Variants in EIF2S2 observed in about 807,000 individuals in gnomAD.
The protein encoded by EIF2S2 is eukaryotic translation initiation factor 2 subunit 2.
In EIF2S2, 4 loss-of-function variants were observed where a neutral mutation model predicts 44.0. The observed-to-expected ratio is 0.09, with a 90% confidence interval of 0.04 to 0.21. EIF2S2 has a LOEUF of 0.21. Among genes scored for constraint, EIF2S2 ranks in the 10% least tolerant of loss-of-function variants. The pLI is 1.00. For missense variants in EIF2S2, 154 were observed against 392.0 expected (o/e 0.39, Z 5.13); for synonymous variants, 108 against 128.3 (o/e 0.84, Z 1.07).
In EIF2S2 at chr20:34,092,998, A is replaced by C. The variant is rs148648912; in HGVS notation, c.740+677T>G. The stretch of plus-strand genomic sequence containing the variant: ...AGGAATATTACTTTCTACTTCATAG[A>C]ACTATTGTGAAGATTAATTGAGATG... On this transcript the variant is annotated intron_variant, in intron 7 of 8. Transcript: ENST00000374980. Among the ~76,000 whole-genome samples, 389 of 152,334 alleles carry C rather than the reference A, an allele frequency of 2.6e-3. 1 individual carries two copies. The highest frequency in any genetic ancestry group is 5.2e-3 in the South Asian group (25 of 4,832).
In EIF2S2 at chr20:34,112,138, G is replaced by A. The variant is rs367752980; in HGVS notation, c.-28C>T. 23 of 1,541,102 alleles carry A rather than the reference G, an allele frequency of 1.5e-5. No individual in the cohort carries two copies. The African/African-American group carries it at 3.0e-4, about 20-fold the overall frequency. ...CTGCGGCTCGAGTGGGCTCGGCACG[G>A]ACGGGAAGTCAGACGGGTCAGCCCC... On this transcript the variant is annotated 5_prime_UTR_variant, in exon 1 of 9. Coordinates refer to ENST00000374980, the MANE Select transcript of EIF2S2 (RefSeq NM_003908.5).
chr20:34,103,319 C>A, intron 3 of EIF2S2, 143 bp downstream of exon 3: 1 of 1,155,018 alleles, frequency 8.7e-7, no homozygotes, highest in Non-Finnish European at 1.2e-6. Context: ...GACACACTCC[C>A]AAGAAAATGA....
chr20:34,092,585 A>C lies in EIF2S2; in HGVS notation c.740+1090T>G, dbSNP rs189169583. 5.9e-5 allele frequency among the ~76,000 whole-genome samples: 9 copies of C among 152,224 alleles called. No individual in the cohort carries two copies. The East Asian group carries it at 1.7e-3, about 29-fold the overall frequency. ...CAGGAGGCTGAGGCAGGAGAATGGC[A>C]TGAACCCGGGAAGCAGGCTTGCAGT... On this transcript the variant is annotated intron_variant, in intron 7 of 8. Coordinates refer to ENST00000374980, the MANE Select transcript of EIF2S2 (RefSeq NM_003908.5).
Position 34,112,136 on chromosome 20 carries a change from C to T in EIF2S2, c.-26G>A. On this transcript the variant is annotated 5_prime_UTR_variant, in exon 1 of 9. It adds an upstream start codon to the 5' untranslated region. Coordinates refer to ENST00000374980, the MANE Select transcript of EIF2S2 (RefSeq NM_003908.5). Reference sequence around the variant, plus strand: ...GGCTGCGGCTCGAGTGGGCTCGGCACGGACGGGAAGTCAGACGGGTCAGCC... The same window carrying T: ...GGCTGCGGCTCGAGTGGGCTCGGCATGGACGGGAAGTCAGACGGGTCAGCC... The T allele has an allele frequency of 6.5e-7, 1 of 1,541,848 alleles. No individual in the cohort carries two copies. The highest frequency in any genetic ancestry group is 8.8e-7 in the Non-Finnish European group (1 of 1,141,432).
intron 1 of EIF2S2, among the ~76,000 whole-genome samples, chr20:34,111,319 G>A (rs1416040310): frequency 6.6e-6 from 1 of 152,188 alleles, no homozygotes; most frequent in African/African-American, 2.4e-5. Flanking sequence ...CCTACTGGGA[G>A]TACTTAACAT....
intron 3 of EIF2S2, among the ~76,000 whole-genome samples, chr20:34,101,918 GC>G (rs2122421859): frequency 6.6e-6 from 1 of 152,118 alleles, no homozygotes; most frequent in Non-Finnish European, 1.5e-5. Flanking sequence ...CAGGTGATCT[GC>G]CCACCTCGGC....
chr20:34,092,765 T>C (rs954385715), intron 7 of EIF2S2, among the ~76,000 whole-genome samples: 1 of 152,148 alleles, frequency 6.6e-6, no homozygotes, highest in Admixed American at 6.5e-5. Context: ...CCACACCAAG[T>C]GTAGCAAATC....
chr20:34,090,433 C>A (rs565679105), intron 8 of EIF2S2, 84 bp downstream of exon 8: 1 of 828,640 alleles, frequency 1.2e-6, no homozygotes, highest in Non-Finnish European at 1.8e-6. Context: ...TCCCAGCTCA[C>A]TGCAATCAAA....
intron 5 of EIF2S2, 131 bp from the exon 6 acceptor site, chr20:34,096,936 T>C: frequency 9.7e-7 from 1 of 1,027,552 alleles, no homozygotes; most frequent in South Asian, 1.7e-5. Context: ...ACTACAAGTC[T>C]GGGAGCTCCT....
intron 2 of EIF2S2, among the ~76,000 whole-genome samples, chr20:34,104,855 C>T (rs564942211): frequency 1.4e-4 from 22 of 152,362 alleles, no homozygotes; most frequent in African/African-American, 5.1e-4. Context: ...TCAGTTGTCT[C>T]TATCCTGGCA....
At chr20:34,098,768 T>A (rs543781135) in intron 3 of EIF2S2, 135 bp from the exon 4 acceptor site, 1 of 1,072,884 alleles carries the variant, frequency 9.3e-7, no homozygotes, top group Admixed American at 2.8e-5. Flanking sequence ...CCTCAAGAGA[T>A]CCTCCCGCCC....
At chr20:34,101,426 A>C (rs1210712259) in intron 3 of EIF2S2, among the ~76,000 whole-genome samples, 1 of 152,122 alleles carries the variant, frequency 6.6e-6, no homozygotes, top group Non-Finnish European at 1.5e-5. Flanking sequence ...ACAGAGTGAG[A>C]CTTTGTCTCA....
intron 7 of EIF2S2, among the ~76,000 whole-genome samples, chr20:34,092,771 A>G (rs2034182135): frequency 6.6e-6 from 1 of 152,216 alleles, no homozygotes; most frequent in Non-Finnish European, 1.5e-5. Context: ...CAAGTGTAGC[A>G]AATCCCAACA....
At chr20:34,107,685 T>C (rs1165760469) in intron 1 of EIF2S2, among the ~76,000 whole-genome samples, 1 of 152,194 alleles carries the variant, frequency 6.6e-6, no homozygotes, top group Non-Finnish European at 1.5e-5. Context: ...CTTCCCAAAA[T>C]TGATTATAAC....
intron 3 of EIF2S2, among the ~76,000 whole-genome samples, chr20:34,101,256 C>A (rs892028079): frequency 3.3e-5 from 5 of 152,128 alleles, no homozygotes; most frequent in Non-Finnish European, 5.9e-5. Flanking sequence ...ACCAGCCTGG[C>A]CAACATGGTG....
intron 3 of EIF2S2, among the ~76,000 whole-genome samples, chr20:34,100,973 A>G (rs569282509): frequency 6.6e-6 from 1 of 151,256 alleles, no homozygotes; most frequent in South Asian, 2.1e-4. Flanking sequence ...TGTGCTGTCA[A>G]CCTTACTCAT....
At chr20:34,110,490 T>C (rs952916482) in intron 1 of EIF2S2, among the ~76,000 whole-genome samples, 1 of 152,204 alleles carries the variant, frequency 6.6e-6, no homozygotes, top group Non-Finnish European at 1.5e-5. Context: ...AAAATACAGT[T>C]GGACCGGCAC....
At chr20:34,092,080 A>G (rs1301078845) in intron 7 of EIF2S2, among the ~76,000 whole-genome samples, 3 of 152,220 alleles carry the variant, frequency 2.0e-5, no homozygotes, top group African/African-American at 4.8e-5. Context: ...GAAACAACAA[A>G]ATTCAGTCAA....
In EIF2S2 at chr20:34,105,429, C is replaced by G. The variant is rs201521464; in HGVS notation, c.132G>C (p.Val44=). The G allele has an allele frequency of 3.3e-5, 53 of 1,614,082 alleles. No individual in the cohort carries two copies. In the Admixed American group the frequency reaches 7.0e-4, roughly 21 times the overall value. Residue 44 remains valine (V), a synonymous_variant, in exon 2 of 9, where the codon GTG becomes GTC. Coordinates refer to ENST00000374980, the MANE Select transcript of EIF2S2 (RefSeq NM_003908.5). ...EETQPSETKE[V]EPEPTEDKDL... is the part of the protein sequence containing the mutation. ...CCTTGTCCTCAGTTGGCTCTGGCTC[C>G]ACTTCTTTTGTTTCTGAAGGCTGGG...
Sources: allele counts gnomAD v4.1 joint callset (sites outside exome capture counted in the v4.1 genomes callset), GRCh38; gene constraint gnomAD v4.1.1; transcripts MANE v1.5; gene names NCBI Gene and HGNC (gene_info 2026-07-23, HGNC 2026-07-21).